The following NR3C2 variants were observed in gnomAD, a reference collection of about 807,000 sequenced individuals.
The protein encoded by NR3C2 is nuclear receptor subfamily 3 group C member 2.
A neutral mutation model predicts 86.4 loss-of-function variants in NR3C2; 15 were observed. The ratio of observed to expected loss-of-function variants is 0.17; its 90% CI spans 0.12 to 0.27. The LOEUF (loss-of-function observed/expected upper bound fraction) is 0.27. NR3C2 is among the 10% of genes least tolerant of loss of function. The pLI is 1.00. For synonymous variants in NR3C2, 458 were observed against 450.5 expected (o/e 1.02, Z -0.21); for missense variants, 960 against 1,195.6 (o/e 0.80, Z 2.91).
At chr4:148,118,353 T>C (rs1296271937) in intron 7 of NR3C2, among the ~76,000 whole-genome samples, 1 of 152,184 alleles carries the variant, frequency 6.6e-6, no homozygotes, top group Non-Finnish European at 1.5e-5. Flanking sequence ...GTGGAGGCCA[T>C]GCTGTTAGTC....
At chr4:148,439,736 C>T (rs766684880) in intron 1 of NR3C2, among the ~76,000 whole-genome samples, 8 of 152,222 alleles carry the variant, frequency 5.3e-5, no homozygotes, top group Non-Finnish European at 1.2e-4. Context: ...AATTTGACCA[C>T]TCCACCTTTT....
At chr4:148,355,719 G>T (rs943248856) in intron 2 of NR3C2, among the ~76,000 whole-genome samples, 5 of 152,188 alleles carry the variant, frequency 3.3e-5, no homozygotes, top group Non-Finnish European at 7.3e-5. Context: ...AAGCTAGGAG[G>T]TCCACTATGA....
chr4:148,348,428 T>C (rs543753818), intron 2 of NR3C2, among the ~76,000 whole-genome samples: 1 of 152,308 alleles, frequency 6.6e-6, no homozygotes, highest in South Asian at 2.1e-4. Flanking sequence ...ATCTAGAGCA[T>C]AGGACGTGCT....
chr4:148,417,995 C>T (rs1401814634), intron 2 of NR3C2, among the ~76,000 whole-genome samples: 1 of 152,112 alleles, frequency 6.6e-6, no homozygotes, highest in Non-Finnish European at 1.5e-5. Flanking sequence ...GAACACTAGA[C>T]AACAGGGCAT....
intron 2 of NR3C2, among the ~76,000 whole-genome samples, chr4:148,364,186 C>T (rs1745993849): frequency 2.6e-5 from 4 of 152,118 alleles, no homozygotes; most frequent in Admixed American, 2.0e-4. Context: ...TATGTTCTTC[C>T]CTCCTGCCAT....
intron 2 of NR3C2, among the ~76,000 whole-genome samples, chr4:148,367,871 TC>T (rs1459685273): frequency 6.8e-6 from 1 of 146,202 alleles, no homozygotes; most frequent in East Asian, 2.0e-4. Flanking sequence ...ATTCTCCCTT[TC>T]AAAAAAAAAA....
chr4:148,443,354 T>G (rs1750449384), upstream of NR3C2, among the ~76,000 whole-genome samples: 1 of 151,788 alleles, frequency 6.6e-6, no homozygotes, highest in South Asian at 2.1e-4. Flanking sequence ...TAGTATTGGA[T>G]TTTTCCACTA....
At chr4:148,374,443 G>A (rs1746573212) in intron 2 of NR3C2, among the ~76,000 whole-genome samples, 1 of 152,012 alleles carries the variant, frequency 6.6e-6, no homozygotes, top group Non-Finnish European at 1.5e-5. Context: ...ATATCCTCAA[G>A]GTCAGATTAT....
intron 2 of NR3C2, among the ~76,000 whole-genome samples, chr4:148,342,838 T>A (rs1744814183): frequency 6.6e-6 from 1 of 152,196 alleles, no homozygotes; most frequent in South Asian, 2.1e-4. Context: ...TCTGTATTTT[T>A]ACTAGAAATT....
intron 2 of NR3C2, among the ~76,000 whole-genome samples, chr4:148,419,657 A>G (rs1749182081): frequency 6.6e-6 from 1 of 152,186 alleles, no homozygotes; most frequent in Admixed American, 6.5e-5. Flanking sequence ...CTGATGATCA[A>G]TCTGCAGTGT....
intron 2 of NR3C2, among the ~76,000 whole-genome samples, chr4:148,283,165 G>A (rs1741333351): frequency 6.6e-6 from 1 of 152,176 alleles, no homozygotes; most frequent in South Asian, 2.1e-4. Context: ...AAAGGAATAA[G>A]ATAGCTTTCA....
Position 148,436,607 on chromosome 4 carries a change from G to A in NR3C2, c.254C>T (p.Thr85Ile). The change falls in exon 2 of 9, where the codon ACA becomes ATA. Residue 85 changes from threonine (T) to isoleucine (I), a missense_variant. By Grantham distance (89) the Thr-to-Ile change is moderately conservative (BLOSUM62 -1). Coordinates refer to ENST00000358102, the MANE Select transcript of NR3C2 (RefSeq NM_000901.5). The stretch of plus-strand genomic sequence containing the variant: ...TTCCAGCTCAGTTTTAATATCAGAT[G>A]TTAAAATCCCAGGCCGATTATTGTC... ...QQDNNRPGIL[T>I]SDIKTELESK... 3 of 1,614,196 alleles carry A rather than the reference G, an allele frequency of 1.9e-6. No individual in the cohort carries two copies. Among genetic ancestry groups the A allele is most frequent in the Non-Finnish European group, 2.5e-6 (3 of 1,180,036 alleles).
chr4:148,107,774 C>T (rs1390408786), intron 8 of NR3C2, among the ~76,000 whole-genome samples: 3 of 152,162 alleles, frequency 2.0e-5, no homozygotes, highest in African/African-American at 7.2e-5. Flanking sequence ...CATGTTCTCA[C>T]TCATAAGTGG....
intron 3 of NR3C2, 125 bp from the exon 4 acceptor site, chr4:148,194,987 G>C: frequency 1.3e-6 from 1 of 748,362 alleles, no homozygotes; most frequent in Non-Finnish European, 2.3e-6. Context: ...AAAAGTAAAA[G>C]TACATGATTT....
chr4:148,136,612 G>T lies in NR3C2; in HGVS notation c.2510+15857C>A, dbSNP rs55862218. 3.0e-3 allele frequency among the ~76,000 whole-genome samples: 459 copies of T among 152,134 alleles called. 1 individual carries two copies. Among genetic ancestry groups the T allele is most frequent in the African/African-American group, 0.011 (437 of 41,490 alleles). ...CCTTTCAAGCTACACAGTTTTGCCCGGCAGCTTTCCTTGACCACTGTAGTC... is the reference window on the plus strand; with the variant it reads ...CCTTTCAAGCTACACAGTTTTGCCCTGCAGCTTTCCTTGACCACTGTAGTC... On this transcript the variant is annotated intron_variant, in intron 6 of 8. Transcript: ENST00000358102.
At chr4:148,177,042 C>G (rs1019517146) in intron 4 of NR3C2, among the ~76,000 whole-genome samples, 5 of 152,308 alleles carry the variant, frequency 3.3e-5, no homozygotes, top group Non-Finnish European at 7.4e-5. Context: ...TGAAGCAGCA[C>G]ATTCTAGTGA....
At chr4:148,415,686 T>A (rs76065190) in intron 2 of NR3C2, among the ~76,000 whole-genome samples, 1 of 152,290 alleles carries the variant, frequency 6.6e-6, no homozygotes, top group East Asian at 1.9e-4. Context: ...AACAAAATGC[T>A]CATCAGCCCA....
chr4:148,232,833 C>T (rs1296867107), intron 3 of NR3C2, among the ~76,000 whole-genome samples: 1 of 152,222 alleles, frequency 6.6e-6, no homozygotes, highest in African/African-American at 2.4e-5. Flanking sequence ...CTTCCATCAA[C>T]GTGAAGTGCT....
intron 3 of NR3C2, among the ~76,000 whole-genome samples, chr4:148,200,497 T>C (rs559684148): frequency 3.3e-5 from 5 of 152,362 alleles, no homozygotes; most frequent in South Asian, 2.1e-4. Context: ...GAACTGATGA[T>C]TCTCCCTTCG....
Sources: gnomAD v4.1 joint callset for allele counts (sites outside exome capture counted in the v4.1 genomes callset) on GRCh38, gnomAD v4.1.1 for gene constraint, MANE v1.5 for transcripts, NCBI Gene and HGNC (gene_info 2026-07-23, HGNC 2026-07-21) for gene names.